The following SAMD5 variants were observed in gnomAD, a reference collection of about 807,000 sequenced individuals.
SAMD5 encodes sterile alpha motif domain containing 5.
A neutral mutation model predicts 11.3 loss-of-function variants in SAMD5; 13 were observed. The observed-to-expected ratio is 1.15, with a 90% CI of 0.75 to 1.83. SAMD5 has a LOEUF of 1.83. Among genes scored for constraint, SAMD5 ranks in the 40% most tolerant of loss-of-function variants. The pLI is 0.00. For missense variants in SAMD5, 255 were observed against 239.1 expected, an observed-to-expected ratio of 1.07 and a Z score of -0.44; for synonymous variants, 129 against 111.3, an observed-to-expected ratio of 1.16 and a Z score of -1.00.
intron 1 of SAMD5, among the ~76,000 whole-genome samples, chr6:147,621,212 A>G (rs1240507679): frequency 1.3e-5 from 2 of 152,178 alleles, no homozygotes; most frequent in Non-Finnish European, 2.9e-5. Flanking sequence ...GAGACTGGAG[A>G]TGAGAAGACC....
At chr6:147,853,965 C>T in the SAMD5 span, among the ~76,000 whole-genome samples, 5 of 152,090 alleles carry the variant, frequency 3.3e-5, no homozygotes, top group African/African-American at 9.7e-5. Context: ...TTGAATAAGT[C>T]GATTGCTTAA....
At chr6:147,915,001 G>C in the SAMD5 span, among the ~76,000 whole-genome samples, 2 of 152,124 alleles carry the variant, frequency 1.3e-5, no homozygotes, top group African/African-American at 4.8e-5. Context: ...GATCAAAGCA[G>C]ACTAAAGAGA....
At chr6:147,585,803 G>A (rs561891580) in intron 1 of SAMD5, among the ~76,000 whole-genome samples, 21 of 152,018 alleles carry the variant, frequency 1.4e-4, no homozygotes, top group Non-Finnish European at 3.1e-4. Flanking sequence ...TTAAGACCTC[G>A]TGCCATTTCA....
At chr6:147,580,043 C>T (rs1250990631) in intron 1 of SAMD5, among the ~76,000 whole-genome samples, 2 of 152,168 alleles carry the variant, frequency 1.3e-5, no homozygotes, top group African/African-American at 4.8e-5. Flanking sequence ...ATGCAAGTCC[C>T]TCATAATTTG....
chr6:147,938,445 C>T, the SAMD5 span, among the ~76,000 whole-genome samples: 1 of 152,168 alleles, frequency 6.6e-6, no homozygotes, highest in Admixed American at 6.5e-5. Flanking sequence ...AAACTCTACA[C>T]TCATGGAGTT....
chr6:147,893,699 T>C, the SAMD5 span, among the ~76,000 whole-genome samples: 1 of 152,210 alleles, frequency 6.6e-6, no homozygotes, highest in Admixed American at 6.5e-5. Flanking sequence ...CAGCAGCTTA[T>C]GAGTGCATTT....
the SAMD5 span, among the ~76,000 whole-genome samples, chr6:147,859,225 A>G: frequency 7.2e-6 from 1 of 138,632 alleles, no homozygotes; most frequent in African/African-American, 3.5e-5. Flanking sequence ...CCAAAAGCAT[A>G]GGGGGACGTG....
chr6:147,938,468 G>A, the SAMD5 span, among the ~76,000 whole-genome samples: 1 of 152,180 alleles, frequency 6.6e-6, no homozygotes, highest in African/African-American at 2.4e-5. Context: ...TAGACTAGTA[G>A]GAGAGATGGA....
chr6:147,542,258 T>C (rs1788617709), intron 1 of SAMD5, among the ~76,000 whole-genome samples: 1 of 152,228 alleles, frequency 6.6e-6, no homozygotes, highest in Non-Finnish European at 1.5e-5. Context: ...GGCTGGCTTC[T>C]GGATCCATTG....
the SAMD5 span, among the ~76,000 whole-genome samples, chr6:147,769,745 G>T: frequency 1.3e-5 from 2 of 152,150 alleles, no homozygotes; most frequent in African/African-American, 4.8e-5. Context: ...TGTATTTTCT[G>T]CCTAAGGAGA....
intron 1 of SAMD5, among the ~76,000 whole-genome samples, chr6:147,655,445 G>A (rs1043800247): frequency 4.0e-5 from 6 of 151,842 alleles, no homozygotes; most frequent in African/African-American, 1.5e-4. Context: ...GTATATCCAC[G>A]TTGCCCTAGT....
the SAMD5 span, among the ~76,000 whole-genome samples, chr6:147,818,986 C>A: frequency 1.1e-4 from 16 of 152,202 alleles, no homozygotes; most frequent in African/African-American, 3.9e-4. Context: ...GGTATATACC[C>A]CCCAAAATAT....
chr6:147,619,352 T>C (rs1380530760), intron 1 of SAMD5, among the ~76,000 whole-genome samples: 1 of 152,234 alleles, frequency 6.6e-6, no homozygotes, highest in Admixed American at 6.5e-5. Flanking sequence ...TATTTACTTT[T>C]CATATTCCTG....
chr6:147,876,357 T>C, the SAMD5 span, among the ~76,000 whole-genome samples: 4 of 152,186 alleles, frequency 2.6e-5, no homozygotes, highest in African/African-American at 9.7e-5. Context: ...TTTCAGAAAG[T>C]ATGTCAGTGA....
rs374609201 is a variant in SAMD5, at chr6:147,575,496, T to C, written c.162+66109T>C. Among the ~76,000 whole-genome samples the C allele has an allele frequency of 1.3e-3, 203 of 152,400 alleles. 1 individual carries two copies. Among genetic ancestry groups the C allele is most frequent in the South Asian group, 2.5e-3 (12 of 4,832 alleles). ...TTGCACATTGTGGCAACTGTATCAATAGCTGCCAGTCAAAATTGACTATAA... is the reference window on the plus strand; with the variant it reads ...TTGCACATTGTGGCAACTGTATCAACAGCTGCCAGTCAAAATTGACTATAA... On this transcript the variant is annotated intron_variant, in intron 1 of 1. Coordinates refer to the SAMD5 transcript ENST00000566741.
chr6:147,776,149 C>T, the SAMD5 span, among the ~76,000 whole-genome samples: 2 of 152,164 alleles, frequency 1.3e-5, no homozygotes, highest in East Asian at 1.9e-4. Context: ...TTCTCTCCAG[C>T]TTTAACATGC....
chr6:147,674,559 C>G (rs767424568), intron 1 of SAMD5, among the ~76,000 whole-genome samples: 10 of 152,158 alleles, frequency 6.6e-5, no homozygotes, highest in Admixed American at 6.5e-4. Context: ...GGCACTACAG[C>G]ACTGTTTGTA....
At chr6:147,600,929 T>C (rs139129954) in intron 1 of SAMD5, among the ~76,000 whole-genome samples, 153 of 152,272 alleles carry the variant, frequency 1.0e-3, no homozygotes, top group Admixed American at 2.6e-3. Context: ...CACCAGGCAA[T>C]ATGGAGTGAA....
the SAMD5 span, among the ~76,000 whole-genome samples, chr6:147,890,753 G>GT: frequency 0.011 from 1,635 of 146,138 alleles, 17 homozygotes; most frequent in African/African-American, 0.029. Context: ...TATTTGGATA[G>GT]TTTTTTTTTT....
Sources: gnomAD v4.1 joint callset for allele counts (sites outside exome capture counted in the v4.1 genomes callset) on GRCh38, gnomAD v4.1.1 for gene constraint, MANE v1.5 for transcripts, NCBI Gene and HGNC (gene_info 2026-07-23, HGNC 2026-07-21) for gene names.